USP34: variants seen among roughly 807,000 people sequenced by gnomAD.
The protein encoded by USP34 is ubiquitin carboxyl-terminal hydrolase 34.
USP34 carries 70 observed loss-of-function variants against 460.3 expected under a neutral mutation model. The observed-to-expected ratio is 0.15, with a 90% CI of 0.13 to 0.19. The LOEUF is 0.19. Ranked by LOEUF, USP34 falls within the 10% of genes least tolerant of loss-of-function variation. The pLI is 1.00. For missense variants in USP34, 3,985 were observed against 4,236.2 expected (o/e 0.94, Z 1.65); for synonymous variants, 1,647 against 1,405.3 (o/e 1.17, Z -3.85).
intron 43 of USP34, among the ~76,000 whole-genome samples, chr2:61,262,782 T>A (rs113525510): frequency 6.6e-6 from 1 of 152,254 alleles, no homozygotes; most frequent in South Asian, 2.1e-4. Context: ...ATGGCTGAAC[T>A]AATTTACATT....
intron 8 of USP34, among the ~76,000 whole-genome samples, chr2:61,376,468 C>A (rs1162404980): frequency 6.6e-6 from 1 of 152,152 alleles, no homozygotes; most frequent in Non-Finnish European, 1.5e-5. Flanking sequence ...CAACACCTAG[C>A]CTGAATGTGT....
chr2:61,275,617 CTT>C (rs34255356), intron 41 of USP34, among the ~76,000 whole-genome samples: 53 of 146,914 alleles, frequency 3.6e-4, no homozygotes, highest in Admixed American at 3.4e-4. Context: ...GACCCTGTCC[CTT>C]TTTTTTTTTT....
At chr2:61,347,030 C>G (rs1162362820) in intron 15 of USP34, among the ~76,000 whole-genome samples, 3 of 151,740 alleles carry the variant, frequency 2.0e-5, no homozygotes, top group Non-Finnish European at 2.9e-5. Flanking sequence ...ATTCCAGCTA[C>G]TCAGGAGGCT....
intron 1 of USP34, among the ~76,000 whole-genome samples, chr2:61,453,714 C>CAAA (rs1169951643): frequency 9.1e-4 from 29 of 31,816 alleles, no homozygotes; most frequent in South Asian, 2.3e-3. Context: ...CATTCCATCT[C>CAAA]AAAAAAAAAA....
intron 22 of USP34, among the ~76,000 whole-genome samples, chr2:61,318,655 T>C (rs530106093): frequency 1.3e-5 from 2 of 152,242 alleles, no homozygotes; most frequent in South Asian, 2.1e-4. Flanking sequence ...AACTGTGGCA[T>C]GTGGTAAAGA....
chr2:61,273,296 AAATAT>A (rs1487789846), intron 41 of USP34, among the ~76,000 whole-genome samples: 1 of 152,262 alleles, frequency 6.6e-6, no homozygotes, highest in African/African-American at 2.4e-5. Flanking sequence ...ATCAATCTGG[AAATAT>A]AATACAATCT....
chr2:61,434,422 A>C (rs1011356440), intron 1 of USP34, among the ~76,000 whole-genome samples: 4 of 152,188 alleles, frequency 2.6e-5, no homozygotes, highest in Non-Finnish European at 4.4e-5. Context: ...GCCAGGCACA[A>C]CACCAAGCCA....
chr2:61,412,835 G>A (rs1347088647), intron 2 of USP34, among the ~76,000 whole-genome samples: 1 of 143,300 alleles, frequency 7.0e-6, no homozygotes, highest in Admixed American at 7.5e-5. Flanking sequence ...GCCGCAGTGA[G>A]CCATCATAAC....
chr2:61,461,920 T>G (rs544880786), intron 1 of USP34, among the ~76,000 whole-genome samples: 1 of 152,260 alleles, frequency 6.6e-6, no homozygotes, highest in African/African-American at 2.4e-5. Context: ...TATATTAAAT[T>G]TTATATAAAA....
intron 57 of USP34, among the ~76,000 whole-genome samples, chr2:61,233,155 C>T (rs924826670): frequency 5.9e-5 from 9 of 152,084 alleles, no homozygotes; most frequent in South Asian, 2.1e-4. Context: ...CCATGTCACC[C>T]GGCCACCTAT....
intron 1 of USP34, among the ~76,000 whole-genome samples, chr2:61,441,035 G>A (rs1432091341): frequency 6.6e-6 from 1 of 151,712 alleles, no homozygotes; most frequent in Non-Finnish European, 1.5e-5. Context: ...GGCTGAGGCA[G>A]GAGAATGGCA....
rs149129768 is a variant in USP34, at chr2:61,350,016, TA to T, written c.1507+243del. 1.5e-3 allele frequency among the ~76,000 whole-genome samples: 228 copies of T among 149,408 alleles called. 1 individual carries two copies. The highest frequency in any genetic ancestry group is 2.8e-3 in the Non-Finnish European group (187 of 67,148). On this transcript the variant is annotated intron_variant, in intron 12 of 79. Coordinates refer to ENST00000398571, the MANE Select transcript of USP34 (RefSeq NM_014709.4). ...AAATGAAATCTCCAAAGCTTTTGTT[TA>T]AAAAAAAAAGATAACCAAAGCTGAG... is the stretch of plus-strand genomic sequence containing the variant.
chr2:61,236,900 G>C (rs1259066877), intron 53 of USP34, among the ~76,000 whole-genome samples: 1 of 152,088 alleles, frequency 6.6e-6, no homozygotes. Context: ...ATTTTTGTCA[G>C]TTCTATAAAA....
chr2:61,223,454 T>C, intron 62 of USP34, 158 bp from the exon 63 acceptor site: 1 of 698,438 alleles, frequency 1.4e-6, no homozygotes, highest in Non-Finnish European at 2.3e-6. Flanking sequence ...CTAAATGTCT[T>C]TTGGGCAACT....
At chr2:61,343,784 G>T (rs554329256) in intron 16 of USP34, 31 bp downstream of exon 16, 8 of 1,583,116 alleles carry the variant, frequency 5.1e-6, no homozygotes, top group Non-Finnish European at 6.1e-6. Context: ...TGTGAAGAAG[G>T]TAATATATTT....
rs1167524694 is a variant in USP34 at position 61,317,893 on chromosome 2, A to T, written c.3169-126T>A. Reference sequence around the variant, plus strand: ...CAGATCAGTTTGAATTTTTAGTGATAATTTTAAAAAATAAAAATATATAAT... The same window carrying T: ...CAGATCAGTTTGAATTTTTAGTGATTATTTTAAAAAATAAAAATATATAAT... On this transcript the variant is annotated intron_variant, in intron 22 of 79. Coordinates refer to ENST00000398571, the MANE Select transcript of USP34 (RefSeq NM_014709.4). 7.8e-6 allele frequency: 5 copies of T among 642,536 alleles called. No homozygotes were observed. In the Admixed American group the frequency reaches 1.7e-4, roughly 22 times the overall value. 39.8% of individuals were successfully genotyped at this position (642,536 alleles called of 1,614,324 possible).
chr2:61,416,392 G>C (rs1694193713), intron 2 of USP34, among the ~76,000 whole-genome samples: 1 of 152,174 alleles, frequency 6.6e-6, no homozygotes, highest in African/African-American at 2.4e-5. Flanking sequence ...ACCTGACAGA[G>C]AACCTCACCC....
rs200806111 is a variant in USP34 at position 61,278,240 on chromosome 2, C to T, written c.5358G>A (p.Gly1786=). ...TTGCAAGCCTTAGGAGTCCTGTAAG[C>T]CCATCATCTTCTACATTACCATCCT... ...DHQDGNVEDD[G]LTGLLRLATS... The change falls in exon 41 of 80, where the codon GGG becomes GGA. Residue 1786 remains glycine (G), a synonymous_variant. Transcript: ENST00000398571. The T allele has an allele frequency of 7.3e-5, 117 of 1,613,670 alleles. No individual in the cohort carries two copies. In the Admixed American group the frequency reaches 1.1e-3, roughly 16 times the overall value.
At chr2:61,222,050 C>T (rs1687603848) in intron 65 of USP34, among the ~76,000 whole-genome samples, 1 of 152,118 alleles carries the variant, frequency 6.6e-6, no homozygotes, top group African/African-American at 2.4e-5. Context: ...CATTGCACAA[C>T]AGATCTCTGG....
Sources: gnomAD v4.1 joint callset for allele counts (sites outside exome capture counted in the v4.1 genomes callset) on GRCh38, gnomAD v4.1.1 for gene constraint, MANE v1.5 for transcripts, NCBI Gene and HGNC (gene_info 2026-07-23, HGNC 2026-07-21) for gene names.